AFG3L2: variants seen among roughly 807,000 people sequenced by gnomAD.
AFG3L2 encodes the protein AFG3 like matrix AAA peptidase subunit 2, also known as mitochondrial inner membrane m-AAA protease component AFG3L2.
In AFG3L2, 54 loss-of-function variants were observed where a neutral mutation model predicts 94.5. That is an observed-to-expected ratio of 0.57 (90% CI 0.46 to 0.72). The LOEUF is 0.72. Among genes scored for constraint, AFG3L2 ranks in the 30% least tolerant of loss-of-function variants. AFG3L2 has a pLI of 0.00. For synonymous variants in AFG3L2, 377 were observed against 365.5 expected (o/e 1.03, Z -0.36); for missense variants, 754 against 994.9 (o/e 0.76, Z 3.26).
intron 1 of AFG3L2, among the ~76,000 whole-genome samples, chr18:12,372,498 C>T (rs948112504): frequency 6.6e-6 from 1 of 152,104 alleles, no homozygotes; most frequent in Non-Finnish European, 1.5e-5. Flanking sequence ...AAAATGGTAC[C>T]ACATGACTCT....
intron 14 of AFG3L2, chr18:12,343,740 T>C (rs1348849857): frequency 8.9e-6 from 2 of 225,542 alleles, no homozygotes; most frequent in African/African-American, 4.6e-5. Flanking sequence ...ATTTCCAGTA[T>C]TCTTTAAGTC....
intron 1 of AFG3L2, 111 bp downstream of exon 1, chr18:12,376,858 G>A: frequency 4.8e-6 from 4 of 834,238 alleles, no homozygotes; most frequent in Non-Finnish European, 6.5e-6. Context: ...CGGCAGGGAC[G>A]GCCCGCGTGC....
At chr18:12,372,317 T>C (rs1909016852) in intron 1 of AFG3L2, among the ~76,000 whole-genome samples, 1 of 152,020 alleles carries the variant, frequency 6.6e-6, no homozygotes, top group Non-Finnish European at 1.5e-5. Flanking sequence ...AAAATAAAAA[T>C]AAAATAATAG....
chr18:12,340,883 ACGTCC>A (rs1907929354), intron 14 of AFG3L2: 1 of 156,938 alleles, frequency 6.4e-6, no homozygotes, highest in Non-Finnish European at 1.4e-5. Context: ...GTGAGCTACC[ACGTCC>A]AGCTTCACCT....
chr18:12,356,865 A>G (rs749065123), intron 8 of AFG3L2, 34 bp from the exon 9 acceptor site: 1 of 1,606,918 alleles, frequency 6.2e-7, no homozygotes, highest in Non-Finnish European at 8.5e-7. Context: ...ACATTTAATG[A>G]GAATTCCAGA....
At chr18:12,349,946 G>GCCA (rs1198544167) in intron 12 of AFG3L2, among the ~76,000 whole-genome samples, 1 of 150,958 alleles carries the variant, frequency 6.6e-6, no homozygotes, top group African/African-American at 2.5e-5. Context: ...ACAGGTGTGA[G>GCCA]CCACCGTACC....
Position 12,370,878 on chromosome 18 carries a change from T to C in AFG3L2, c.263A>G (p.Glu88Gly), listed in dbSNP as rs2143231598. ...PNGKNGKKAS[E>G]PKEVMGEKKE... is the part of the protein sequence containing the mutation. ...TTTCTCTCCCATAACTTCTTTAGGT[T>C]CACTAGCTTTTTTTCCATTTTTTCC... Residue 88 changes from glutamate to glycine, a missense_variant, in exon 3 of 17, where the codon GAA becomes GGA. This residue lies in a region of AFG3L2 where 236 missense variants were observed against 214.0 expected (regional missense o/e 1.10). Transcript: ENST00000269143. The C allele has an allele frequency of 6.3e-7, 1 of 1,589,316 alleles. No homozygotes were observed. The highest frequency in any genetic ancestry group is 1.3e-5 in the African/African-American group (1 of 74,430).
At chr18:12,363,006 G>A (rs943003176) in intron 6 of AFG3L2, among the ~76,000 whole-genome samples, 1 of 152,198 alleles carries the variant, frequency 6.6e-6, no homozygotes, top group African/African-American at 2.4e-5. Flanking sequence ...GGGAAATCAA[G>A]ACAATTAAAA....
Position 12,353,111 on chromosome 18 carries a change from G to A in AFG3L2, c.1212C>T (p.Leu404=). ...ALARKNAPCI[L]FIDEIDAVGR... is the part of the protein sequence containing the mutation. ...CCACCGCATCGATTTCATCGATGAA[G>A]AGGATGCAAGGGGCATTCTTCCGAG... The change falls in exon 10 of 17, where the codon CTC becomes CTT. Residue 404 remains leucine (L), a synonymous_variant. Coordinates refer to ENST00000269143, the MANE Select transcript of AFG3L2 (RefSeq NM_006796.3). 6.2e-7 allele frequency: 1 copy of A among 1,614,222 alleles called. No individual in the cohort carries two copies. The highest frequency in any genetic ancestry group is 8.5e-7 in the Non-Finnish European group (1 of 1,180,042).
Position 12,348,122 on chromosome 18 carries a change from G to C in AFG3L2, c.1663+151C>G, listed in dbSNP as rs1237771974. On this transcript the variant is annotated intron_variant, in intron 13 of 16. Transcript: ENST00000269143. The stretch of plus-strand genomic sequence containing the variant: ...GGAGAGGGAGGAGAGGCATGGGAGG[G>C]GCCATGACACCAAGAGAGCACAAAT... 8.6e-6 allele frequency: 6 copies of C among 698,940 alleles called. No homozygotes were observed. The African/African-American group carries it at 8.8e-5, about 10-fold the overall frequency. The allele number at this position is 698,940 out of a possible 1,614,324, so 43.3% of individuals were successfully genotyped here.
intron 12 of AFG3L2, 65 bp from the exon 13 acceptor site, chr18:12,348,448 T>C (rs1908215047): frequency 3.3e-6 from 4 of 1,206,298 alleles, no homozygotes; most frequent in Admixed American, 1.7e-5. Context: ...TCACACAATA[T>C]GGACAGCCAA....
intron 9 of AFG3L2, among the ~76,000 whole-genome samples, chr18:12,354,854 C>A (rs1336889327): frequency 6.6e-6 from 1 of 151,410 alleles, no homozygotes; most frequent in Non-Finnish European, 1.5e-5. Flanking sequence ...ATCATTAACA[C>A]CCAACTCCCC....
chr18:12,349,810 C>A (rs533634212), intron 12 of AFG3L2, among the ~76,000 whole-genome samples: 26 of 151,938 alleles, frequency 1.7e-4, no homozygotes, highest in Admixed American at 5.9e-4. Context: ...TACAGCACCC[C>A]CACCACCACG....
At chr18:12,335,975 T>A (rs1907729888) in intron 16 of AFG3L2, among the ~76,000 whole-genome samples, 1 of 152,254 alleles carries the variant, frequency 6.6e-6, no homozygotes, top group Non-Finnish European at 1.5e-5. Flanking sequence ...AAGCTGCCTT[T>A]GCAAAATTAT....
chr18:12,337,255 C>A, intron 16 of AFG3L2, 86 bp downstream of exon 16: 1 of 1,237,910 alleles, frequency 8.1e-7, no homozygotes. Flanking sequence ...ATTCTGCAGT[C>A]TACACACCAA....
intron 15 of AFG3L2, among the ~76,000 whole-genome samples, chr18:12,338,031 A>C (rs989155695): frequency 1.2e-4 from 19 of 152,010 alleles, no homozygotes; most frequent in Admixed American, 1.0e-3. Flanking sequence ...CGGCCTCCCA[A>C]AGTGCTGGGA....
chr18:12,346,156 T>C (rs950448599), intron 13 of AFG3L2, among the ~76,000 whole-genome samples: 3 of 152,186 alleles, frequency 2.0e-5, no homozygotes, highest in Admixed American at 2.0e-4. Context: ...TCTTCCTCGC[T>C]TGTCTGCTGA....
chr18:12,348,438 T>C, intron 12 of AFG3L2, 55 bp from the exon 13 acceptor site: 1 of 1,352,146 alleles, frequency 7.4e-7, no homozygotes, highest in Middle Eastern at 1.8e-4. Context: ...AACTGATCAG[T>C]CACACAATAT....
chr18:12,337,652 G>A, intron 15 of AFG3L2, 117 bp from the exon 16 acceptor site: 1 of 844,540 alleles, frequency 1.2e-6, no homozygotes, highest in East Asian at 2.6e-5. Flanking sequence ...GCCAGCAGCA[G>A]CAGCAGCAGC....
Sources: gnomAD v4.1 joint callset for allele counts (sites outside exome capture counted in the v4.1 genomes callset) on GRCh38, gnomAD v4.1.1 for gene constraint, gnomAD v4.1.1 regional missense constraint, MANE v1.5 for transcripts, NCBI Gene and HGNC (gene_info 2026-07-23, HGNC 2026-07-21) for gene names.